PTGES: variants seen among roughly 807,000 people sequenced by gnomAD.
PTGES encodes prostaglandin E synthase.
In PTGES, 3 loss-of-function variants were observed where a neutral mutation model predicts 11.8. The ratio of observed to expected loss-of-function variants is 0.25; its 90% CI spans 0.12 to 0.66. The LOEUF (loss-of-function observed/expected upper bound fraction) is 0.66. PTGES is among the 30% of genes least tolerant of loss of function. The pLI is 0.82. For missense variants in PTGES, 180 were observed against 213.0 expected, an observed-to-expected ratio of 0.85 and a Z score of 0.96; for synonymous variants, 94 against 90.4, an observed-to-expected ratio of 1.04 and a Z score of -0.22.
chr9:129,748,607 G>C, intron 2 of PTGES, 48 bp downstream of exon 2: 3 of 1,442,966 alleles, frequency 2.1e-6, no homozygotes, highest in Non-Finnish European at 1.8e-6. Flanking sequence ...GTTCTGAAAG[G>C]GCAGGCCATG....
chr9:129,750,909 G>A (rs1236190764), intron 1 of PTGES, among the ~76,000 whole-genome samples: 5 of 152,296 alleles, frequency 3.3e-5, no homozygotes, highest in Admixed American at 6.5e-5. Flanking sequence ...AGGGGGCCAC[G>A]TTGTCATGAG....
Position 129,739,434 on chromosome 9 carries a change from A to ACACATT in PTGES, c.*176_*177insAATGTG. 1.2e-6 allele frequency: 1 copy of ACACATT among 829,546 alleles called. No homozygotes were observed. Among genetic ancestry groups the ACACATT allele is most frequent in the Non-Finnish European group, 1.8e-6 (1 of 547,300 alleles). The allele number at this position is 829,546 out of a possible 1,614,324, so 51.4% of individuals were successfully genotyped here. On this transcript the variant is annotated 3_prime_UTR_variant, in exon 3 of 3. Coordinates refer to ENST00000340607, the MANE Select transcript of PTGES (RefSeq NM_004878.5). The surrounding 1 kb of genome is among the most constrained non-coding windows in gnomAD (Gnocchi z 5.7). ...GGCTAAGAAACATACACACACACAT[A>ACACATT]CACACACACGGGCACACACACAGGC...
In PTGES at chr9:129,748,581, CCT is replaced by C. The variant is rs1833069594; in HGVS notation, c.209+72_209+73del. ...CAGCCCCTGGGAGTCCTCCAAGTCC[CCT>C]GTGTGCAGAAGAAGTTCTGAAAGGG... On this transcript the variant is annotated intron_variant, in intron 2 of 2. Coordinates refer to ENST00000340607, the MANE Select transcript of PTGES (RefSeq NM_004878.5). 2.4e-6 allele frequency: 3 copies of C among 1,265,532 alleles called. No individual in the cohort carries two copies. In the African/African-American group the frequency reaches 4.8e-5, roughly 20 times the overall value. The allele number at this position is 1,265,532 out of a possible 1,614,324, so 78.4% of individuals were successfully genotyped here. A position where few individuals can be genotyped will look rare whatever the true frequency, so the allele number is the denominator to read the frequency against.
At chr9:129,750,388 T>C (rs1272456519) in intron 1 of PTGES, among the ~76,000 whole-genome samples, 1 of 152,160 alleles carries the variant, frequency 6.6e-6, no homozygotes, top group African/African-American at 2.4e-5. Context: ...ACACCCAAAA[T>C]TCCTCTCTGC....
Position 129,750,747 on chromosome 9 carries a change from G to A in PTGES, c.127-2010C>T, listed in dbSNP as rs45454894. 2.3e-3 allele frequency among the ~76,000 whole-genome samples: 356 copies of A among 152,286 alleles called. 4 individuals are homozygous for A. Among genetic ancestry groups the A allele is most frequent in the African/African-American group, 8.2e-3 (339 of 41,562 alleles). ...TGGTGGGGCGTTGCATTCTCCTGGC[G>A]CTGCTGTCACGACCCCCGTTTACAG... On this transcript the variant is annotated intron_variant, in intron 1 of 2. Coordinates refer to ENST00000340607, the MANE Select transcript of PTGES (RefSeq NM_004878.5).
At chr9:129,746,528 AT>A (rs71497491) in intron 2 of PTGES, among the ~76,000 whole-genome samples, 1 of 152,198 alleles carries the variant, frequency 6.6e-6, no homozygotes, top group Non-Finnish European at 1.5e-5. Flanking sequence ...CAGGTCTGTA[AT>A]TTTTTTAAAA....
In PTGES at chr9:129,739,392, C is replaced by T. The variant is rs199543950; in HGVS notation, c.*219G>A. On this transcript the variant is annotated 3_prime_UTR_variant, in exon 3 of 3. Coordinates refer to ENST00000340607, the MANE Select transcript of PTGES (RefSeq NM_004878.5). The surrounding 1 kb of genome is among the most constrained non-coding windows in gnomAD (Gnocchi z 5.7). ...TTGAAATGGTTCCCATCAGCCACTT[C>T]GTGCAGGAATCCAAGGGGCTAAGAA... 7.9e-5 allele frequency: 48 copies of T among 607,922 alleles called. No homozygotes were observed. The highest frequency in any genetic ancestry group is 1.2e-4 in the Non-Finnish European group (43 of 357,838). 37.7% of individuals were successfully genotyped at this position (607,922 alleles called of 1,614,324 possible). A position where few individuals can be genotyped will look rare whatever the true frequency, so the allele number is the denominator to read the frequency against.
chr9:129,748,009 CAAAAA>C (rs71497492), intron 2 of PTGES, among the ~76,000 whole-genome samples: 4,940 of 22,112 alleles, frequency 0.22, 106 homozygotes, highest in East Asian at 0.3. Context: ...GACTCTGTCT[CAAAAA>C]AAAAAAAAAA....
chr9:129,744,818 A>C (rs1458946889), intron 2 of PTGES, among the ~76,000 whole-genome samples: 2 of 151,974 alleles, frequency 1.3e-5, no homozygotes, highest in South Asian at 4.1e-4. Flanking sequence ...CGGAGGTTGC[A>C]GCAAGCCGAA....
At chr9:129,747,677 C>T (rs983247056) in intron 2 of PTGES, among the ~76,000 whole-genome samples, 1 of 152,018 alleles carries the variant, frequency 6.6e-6, no homozygotes, top group Admixed American at 6.6e-5. Flanking sequence ...TTTGTTGCAT[C>T]CTGCGGTTTT....
At chr9:129,752,822 T>C in intron 1 of PTGES, 65 bp downstream of exon 1, 1 of 1,611,952 alleles carries the variant, frequency 6.2e-7, no homozygotes, top group Non-Finnish European at 8.5e-7. Context: ...TCCCGGGGCT[T>C]TCCTGACAGG....
rs1438839761 is a variant in PTGES at position 129,745,953 on chromosome 9, G to A, written c.209+2702C>T. Among the ~76,000 whole-genome samples, 6 of 151,566 alleles carry A rather than the reference G, an allele frequency of 4.0e-5. No individual in the cohort carries two copies. The highest frequency in any genetic ancestry group is 8.8e-5 in the Non-Finnish European group (6 of 67,954). ...GGAGGCTGAGGCAGGGGAATTGCTCGAACCCGGGAGGCAGAGGTTGCAGAG... is the reference window on the plus strand; with the variant it reads ...GGAGGCTGAGGCAGGGGAATTGCTCAAACCCGGGAGGCAGAGGTTGCAGAG... On this transcript the variant is annotated intron_variant, in intron 2 of 2. Coordinates refer to ENST00000340607, the MANE Select transcript of PTGES (RefSeq NM_004878.5). This position sits in a 1 kb window ranked among gnomAD's most constrained non-coding sequence, Gnocchi z 4.2.
chr9:129,746,773 CT>C (rs946213949), intron 2 of PTGES, among the ~76,000 whole-genome samples: 5 of 152,254 alleles, frequency 3.3e-5, no homozygotes, highest in Admixed American at 1.3e-4. Context: ...ACCCCAACCC[CT>C]GGAGTGCCAT....
At chr9:129,748,559 C>T in intron 2 of PTGES, 96 bp downstream of exon 2, 2 of 945,754 alleles carry the variant, frequency 2.1e-6, no homozygotes, top group East Asian at 3.2e-5. Context: ...AAAACCTCAG[C>T]CCCTGGGAGT....
intron 2 of PTGES, among the ~76,000 whole-genome samples, chr9:129,742,467 A>C (rs1833006805): frequency 6.6e-6 from 1 of 152,196 alleles, no homozygotes; most frequent in Non-Finnish European, 1.5e-5. Flanking sequence ...TTATGTCCCA[A>C]AATGAGGTCT....
chr9:129,739,824 G>T lies in PTGES; in HGVS notation c.246C>A (p.Phe82Leu). 1.3e-6 allele frequency: 2 copies of T among 1,570,406 alleles called. No individual in the cohort carries two copies. The highest frequency in any genetic ancestry group is 2.3e-5 in the East Asian group (1 of 42,598). The change falls in exon 3 of 3, where the codon TTC becomes TTA. Residue 82 changes from phenylalanine to leucine, a missense_variant. Transcript: ENST00000340607. The surrounding 1 kb of genome is among the most constrained non-coding windows in gnomAD (Gnocchi z 5.7). The stretch of plus-strand genomic sequence containing the variant: ...AGGAGTAGACGAAGCCCAGGAAAAG[G>T]AAGGGGTAGATGGTCTCCATGTCGT... ...HRNDMETIYPFLFLGFVYSFL... is the reference protein window; with the variant it reads ...HRNDMETIYPLLFLGFVYSFL...
At chr9:129,742,565 G>A (rs890344262) in intron 2 of PTGES, among the ~76,000 whole-genome samples, 1 of 152,098 alleles carries the variant, frequency 6.6e-6, no homozygotes, top group Non-Finnish European at 1.5e-5. Flanking sequence ...AGCACAACCA[G>A]CATATGCAAC....
chr9:129,748,586 G>A, intron 2 of PTGES, 69 bp downstream of exon 2: 1 of 1,307,740 alleles, frequency 7.6e-7, no homozygotes, highest in South Asian at 1.5e-5. Flanking sequence ...AGTCCCCTGT[G>A]TGCAGAAGAA....
chr9:129,752,329 C>T (rs952057652), intron 1 of PTGES, among the ~76,000 whole-genome samples: 14 of 152,218 alleles, frequency 9.2e-5, no homozygotes, highest in Non-Finnish European at 1.5e-4. Context: ...CCCGGCCCAG[C>T]TCTGGGACTC....
Sources: allele counts gnomAD v4.1 joint callset (sites outside exome capture counted in the v4.1 genomes callset), GRCh38; gene constraint gnomAD v4.1.1; non-coding constraint Gnocchi (gnomAD v3.1); transcripts MANE v1.5; gene names NCBI Gene and HGNC (gene_info 2026-07-23, HGNC 2026-07-21).